Variants in SCAP observed in about 807,000 individuals in gnomAD.
SCAP encodes SREBF chaperone.
SCAP carries 65 observed loss-of-function variants against 123.6 expected under a neutral mutation model. The observed-to-expected ratio is 0.53, with a 90% confidence interval of 0.43 to 0.65. The LOEUF (loss-of-function observed/expected upper bound fraction) is 0.65. Among genes scored for constraint, SCAP ranks in the 30% least tolerant of loss-of-function variants. SCAP has a pLI of 0.00. For synonymous variants in SCAP, 740 were observed against 726.3 expected (o/e 1.02, Z -0.30); for missense variants, 1,398 against 1,712.5 (o/e 0.82, Z 3.24).
intron 6 of SCAP, among the ~76,000 whole-genome samples, chr3:47,426,644 A>C (rs1202648978): frequency 6.6e-6 from 1 of 152,002 alleles, no homozygotes; most frequent in Non-Finnish European, 1.5e-5. Flanking sequence ...TCACCGTGTT[A>C]GCCAGGATGG....
chr3:47,431,296 T>C (rs1225251193), intron 3 of SCAP, among the ~76,000 whole-genome samples: 1 of 1,414 alleles, frequency 7.1e-4, no homozygotes, highest in African/African-American at 7.5e-4. Flanking sequence ...TGAATCTTAA[T>C]GTACGTGAAT....
At chr3:47,473,561 G>T (rs1051957022) in intron 1 of SCAP, among the ~76,000 whole-genome samples, 2 of 152,114 alleles carry the variant, frequency 1.3e-5, no homozygotes, top group Admixed American at 1.3e-4. Context: ...TTCAACGGGG[G>T]TGATGACACA....
intron 1 of SCAP, among the ~76,000 whole-genome samples, chr3:47,459,503 T>C (rs1248028267): frequency 1.3e-5 from 2 of 152,026 alleles, no homozygotes; most frequent in Non-Finnish European, 2.9e-5. Flanking sequence ...AGAGAAACAG[T>C]ACAAAGAGAG....
intron 1 of SCAP, among the ~76,000 whole-genome samples, chr3:47,468,364 C>T (rs1265690128): frequency 2.6e-5 from 4 of 152,214 alleles, no homozygotes; most frequent in Admixed American, 6.5e-5. Flanking sequence ...TATTTCTCCA[C>T]ATCCTCTCCA....
intron 1 of SCAP, among the ~76,000 whole-genome samples, chr3:47,464,391 G>A (rs1315108546): frequency 4.0e-5 from 6 of 151,516 alleles, no homozygotes; most frequent in Non-Finnish European, 8.8e-5. Context: ...TTTTTTTAAA[G>A]TAGATATTAA....
chr3:47,422,298 G>A (rs988302024), intron 10 of SCAP, 144 bp downstream of exon 10: 3 of 690,114 alleles, frequency 4.3e-6, no homozygotes, highest in Non-Finnish European at 4.9e-6. Flanking sequence ...GTGCTGTAGT[G>A]ATCTGCTTGC....
Position 47,445,241 on chromosome 3 carries a change from TTC to T in SCAP, c.-98-2152_-98-2151del, listed in dbSNP as rs1414833071. ...TATTTGTTTGAATACCTGTTTTCAATTCTTTTTTTTTTTTTTTTTTTTGAGAT... is the reference window on the plus strand; with the variant it reads ...TATTTGTTTGAATACCTGTTTTCAATTTTTTTTTTTTTTTTTTTTTGAGAT... On this transcript the variant is annotated intron_variant, in intron 1 of 22. Coordinates refer to ENST00000265565, the MANE Select transcript of SCAP (RefSeq NM_012235.4). Among the ~76,000 whole-genome samples, 5 of 149,136 alleles carry T rather than the reference TTC, an allele frequency of 3.4e-5. No individual in the cohort carries two copies. In the Admixed American group the frequency reaches 3.6e-4, roughly 11 times the overall value.
In SCAP at chr3:47,413,958, G is replaced by C. The variant is rs768636607; in HGVS notation, c.3736C>G (p.Pro1246Ala). ...VYLGKNSEAQ[P>A]ARQILVLDNA... The stretch of plus-strand genomic sequence containing the variant: ...TCCAGCACCAGGATCTGGCGGGCAG[G>C]CTGGGCCTCACTGTTCTTCCCCAGG... The change falls in exon 23 of 23, where the codon CCT becomes GCT. Residue 1246 changes from proline to alanine, a missense_variant. Transcript: ENST00000265565. 1 of 1,613,314 alleles carries C rather than the reference G, an allele frequency of 6.2e-7. No individual in the cohort carries two copies. Among genetic ancestry groups the C allele is most frequent in the Non-Finnish European group, 8.5e-7 (1 of 1,180,028 alleles).
intron 1 of SCAP, among the ~76,000 whole-genome samples, chr3:47,466,864 G>A (rs1707846891): frequency 1.3e-5 from 2 of 152,112 alleles, no homozygotes; most frequent in African/African-American, 4.8e-5. Flanking sequence ...CAAGCGGACT[G>A]CTTGAGCTCA....
intron 1 of SCAP, among the ~76,000 whole-genome samples, chr3:47,459,095 G>A (rs1037570647): frequency 1.8e-4 from 28 of 152,174 alleles, no homozygotes; most frequent in African/African-American, 5.8e-4. Context: ...GTGAGCCACC[G>A]TACCCAGCCA....
At chr3:47,438,017 CTT>C (rs2107886239) in intron 2 of SCAP, among the ~76,000 whole-genome samples, 1 of 152,208 alleles carries the variant, frequency 6.6e-6, no homozygotes, top group East Asian at 1.9e-4. Flanking sequence ...CTTGTCACCT[CTT>C]GATACTGTCA....
At chr3:47,424,728 A>G (rs1233040237) in intron 8 of SCAP, among the ~76,000 whole-genome samples, 6 of 152,228 alleles carry the variant, frequency 3.9e-5, no homozygotes, top group Admixed American at 3.9e-4. Context: ...AGCTCAGGAA[A>G]GGGAGCAGGT....
intron 2 of SCAP, among the ~76,000 whole-genome samples, chr3:47,440,583 G>A (rs1706754185): frequency 6.6e-6 from 1 of 152,164 alleles, no homozygotes; most frequent in South Asian, 2.1e-4. Context: ...GAATGTGACA[G>A]TACAAGGCCA....
In SCAP at chr3:47,419,119, G is replaced by GA. The variant is rs1368506767; in HGVS notation, c.1940+208dup. 1.3e-5 allele frequency among the ~76,000 whole-genome samples: 2 copies of GA among 152,120 alleles called. No individual in the cohort carries two copies. The highest frequency in any genetic ancestry group is 4.8e-5 in the African/African-American group (2 of 41,454). On this transcript the variant is annotated intron_variant, in intron 13 of 22. Transcript: ENST00000265565. The surrounding 1 kb of genome is among the most constrained non-coding windows in gnomAD (Gnocchi z 5.0). The stretch of plus-strand genomic sequence containing the variant: ...ACAGGTGGGTGGGTCTCATTCTGGT[G>GA]AGGGCTGGCAGCCACCAGTGACTCC...
At chr3:47,454,662 C>T (rs1707350656) in intron 1 of SCAP, among the ~76,000 whole-genome samples, 2 of 151,902 alleles carry the variant, frequency 1.3e-5, no homozygotes, top group Non-Finnish European at 2.9e-5. Flanking sequence ...GCAGGAGAAT[C>T]GCTTGAACCC....
At chr3:47,468,704 G>A (rs1446530383) in intron 1 of SCAP, among the ~76,000 whole-genome samples, 2 of 152,186 alleles carry the variant, frequency 1.3e-5, no homozygotes, top group Admixed American at 6.6e-5. Context: ...CTTTTGCTGT[G>A]TAGAAGCTCT....
intron 1 of SCAP, chr3:47,469,879 C>G (rs1559573645): frequency 1.9e-6 from 1 of 533,266 alleles, no homozygotes. Context: ...CAGATTGGAA[C>G]AAGAAATTAG....
intron 6 of SCAP, 122 bp downstream of exon 6, chr3:47,427,035 G>T: frequency 1.4e-6 from 1 of 702,012 alleles, no homozygotes. Context: ...TTCAACAGGA[G>T]GCCTGGAAAC....
chr3:47,419,436 G>T lies in SCAP; in HGVS notation c.1832C>A (p.Pro611Gln). The change falls in exon 13 of 23, where the codon CCA becomes CAA. Residue 611 changes from proline (P) to glutamine (Q), a missense_variant. By Grantham distance (76) the Pro-to-Gln change is moderately conservative (BLOSUM62 -1). Transcript: ENST00000265565. This position sits in a 1 kb window ranked among gnomAD's most constrained non-coding sequence, Gnocchi z 5.0. ...GGPAEVVHDS[P>Q]VPEVTWGPED... ...AGGCCCCCAGGTTACCTCTGGGACTGGGCTGTCATGGACAACCTCTGCTGG... is the reference window on the plus strand; with the variant it reads ...AGGCCCCCAGGTTACCTCTGGGACTTGGCTGTCATGGACAACCTCTGCTGG... The T allele has an allele frequency of 6.2e-7, 1 of 1,613,946 alleles. No individual in the cohort carries two copies. Among genetic ancestry groups the T allele is most frequent in the Non-Finnish European group, 8.5e-7 (1 of 1,180,004 alleles).
Sources: allele counts gnomAD v4.1 joint callset (sites outside exome capture counted in the v4.1 genomes callset), GRCh38; gene constraint gnomAD v4.1.1; non-coding constraint Gnocchi (gnomAD v3.1); transcripts MANE v1.5; gene names NCBI Gene and HGNC (gene_info 2026-07-23, HGNC 2026-07-21).